GLDC: variants seen among roughly 807,000 people sequenced by gnomAD.
The protein encoded by GLDC is glycine decarboxylase.
GLDC carries 104 observed loss-of-function variants against 121.3 expected under a neutral mutation model. The observed-to-expected ratio is 0.86, with a 90% CI of 0.73 to 1.01. The LOEUF is 1.01. Ranked by LOEUF, GLDC falls within the 50% of genes least tolerant of loss-of-function variation. The probability of loss-of-function intolerance (pLI) is 0.00; values close to 1 mark genes in which losing one functional copy is unlikely to be tolerated. For missense variants in GLDC, 1,429 were observed against 1,306.6 expected, an observed-to-expected ratio of 1.09 and a Z score of -1.44; for synonymous variants, 546 against 480.6, an observed-to-expected ratio of 1.14 and a Z score of -1.78.
At chr9:6,564,782 A>G (rs1563839449) in intron 16 of GLDC, among the ~76,000 whole-genome samples, 1 of 152,248 alleles carries the variant, frequency 6.6e-6, no homozygotes, top group Non-Finnish European at 1.5e-5. Flanking sequence ...AGTGGTCCCC[A>G]AGAGGCGATT....
chr9:6,594,803 AAAAGAAAGAAAG>A (rs78626191), intron 9 of GLDC, among the ~76,000 whole-genome samples, 199 bp downstream of exon 9: 12 of 150,028 alleles, frequency 8.0e-5, no homozygotes, highest in East Asian at 5.8e-4. Flanking sequence ...AAAAGGAAAT[AAAAGAAAGAAAG>A]AAAGAAAGAA....
intron 3 of GLDC, among the ~76,000 whole-genome samples, chr9:6,617,690 T>G (rs1818992418): frequency 6.6e-6 from 1 of 152,224 alleles, no homozygotes; most frequent in African/African-American, 2.4e-5. Flanking sequence ...AATACTGGAA[T>G]GATTGTGCTG....
At chr9:6,550,935 G>T (rs374335665) in intron 20 of GLDC, 21 bp from the exon 21 acceptor site, 43 of 1,453,860 alleles carry the variant, frequency 3.0e-5, no homozygotes, top group Non-Finnish European at 3.9e-5. Context: ...GGGAAAAAGA[G>T]CCATTAGCCA....
chr9:6,567,688 T>G (rs1817879841), intron 15 of GLDC, among the ~76,000 whole-genome samples: 1 of 152,234 alleles, frequency 6.6e-6, no homozygotes, highest in Non-Finnish European at 1.5e-5. Context: ...ATTAAAGAAA[T>G]AATCCTCTAC....
chr9:6,625,797 C>T (rs570458583), intron 2 of GLDC, among the ~76,000 whole-genome samples: 9 of 149,194 alleles, frequency 6.0e-5, no homozygotes, highest in South Asian at 2.2e-4. Flanking sequence ...GTGGGGTTAA[C>T]GTTTTATGGG....
intron 20 of GLDC, among the ~76,000 whole-genome samples, chr9:6,552,838 A>G (rs928060749): frequency 6.6e-6 from 1 of 152,188 alleles, no homozygotes; most frequent in Non-Finnish European, 1.5e-5. Flanking sequence ...CTAATTACGC[A>G]GAGAGCACAG....
intron 9 of GLDC, among the ~76,000 whole-genome samples, chr9:6,593,411 G>A (rs923649425): frequency 6.6e-6 from 1 of 151,400 alleles, no homozygotes; most frequent in South Asian, 2.1e-4. Context: ...CAATCCCCTT[G>A]CCTCAGCCTC....
Position 6,580,323 on chromosome 9 carries a change from G to A in GLDC, c.1850+6818C>T, listed in dbSNP as rs569329893. On this transcript the variant is annotated intron_variant, in intron 15 of 24. Coordinates refer to ENST00000321612, the MANE Select transcript of GLDC (RefSeq NM_000170.3). The stretch of plus-strand genomic sequence containing the variant: ...GAGTTACCTTATAACAGAGTCCACA[G>A]TTGCAAGTCATGTAGTCTGGGAATG... 1.9e-4 allele frequency among the ~76,000 whole-genome samples: 29 copies of A among 152,260 alleles called. No individual in the cohort carries two copies. The South Asian group carries it at 6.0e-3, about 32-fold the overall frequency.
intron 15 of GLDC, among the ~76,000 whole-genome samples, chr9:6,569,921 A>AGC (rs1817923598): frequency 2.0e-5 from 3 of 152,126 alleles, no homozygotes; most frequent in Non-Finnish European, 4.4e-5. Flanking sequence ...GGCTGCAGTG[A>AGC]TGTAAGATCG....
intron 15 of GLDC, among the ~76,000 whole-genome samples, chr9:6,570,720 G>C (rs1033947424): frequency 2.0e-5 from 3 of 151,988 alleles, no homozygotes; most frequent in African/African-American, 4.8e-5. Context: ...TGGGCGTTGT[G>C]GCAGGTGCCT....
intron 2 of GLDC, among the ~76,000 whole-genome samples, chr9:6,638,180 G>A (rs924805584): frequency 5.9e-5 from 9 of 151,270 alleles, no homozygotes; most frequent in Non-Finnish European, 8.8e-5. Context: ...CTCAGTGAAG[G>A]TACTGCCTTT....
intron 20 of GLDC, 61 bp downstream of exon 20, chr9:6,553,307 T>C (rs1189501930): frequency 1.5e-5 from 22 of 1,452,456 alleles, no homozygotes; most frequent in Non-Finnish European, 2.0e-5. Flanking sequence ...CAGTATCCGG[T>C]CCCCATGCAT....
intron 2 of GLDC, among the ~76,000 whole-genome samples, chr9:6,626,839 C>T (rs1471685055): frequency 1.3e-5 from 2 of 152,188 alleles, no homozygotes; most frequent in East Asian, 1.9e-4. Context: ...TCATGCCCTG[C>T]CCCATGTCCT....
chr9:6,607,576 T>C (rs1818761330), intron 4 of GLDC, among the ~76,000 whole-genome samples: 1 of 152,156 alleles, frequency 6.6e-6, no homozygotes, highest in South Asian at 2.1e-4. Context: ...AGCGAGACTC[T>C]GTCTTAAATA....
At chr9:6,636,742 T>C (rs1819509826) in intron 2 of GLDC, among the ~76,000 whole-genome samples, 1 of 151,962 alleles carries the variant, frequency 6.6e-6, no homozygotes, top group Non-Finnish European at 1.5e-5. Context: ...ACCACTGCAC[T>C]CCAGCCTGGG....
chr9:6,619,146 CAAAAAAAAAAAAAAAAA>C (rs1162280442), intron 3 of GLDC, among the ~76,000 whole-genome samples: 13 of 60,678 alleles, frequency 2.1e-4, no homozygotes, highest in Non-Finnish European at 3.4e-4. Flanking sequence ...CTGTCTCAGG[CAAAAAAAAAAAAAAAAA>C]AAAAAAAAAA....
chr9:6,534,611 A>G, intron 24 of GLDC, 97 bp downstream of exon 24: 1 of 729,414 alleles, frequency 1.4e-6, no homozygotes, highest in Non-Finnish European at 2.5e-6. Flanking sequence ...TGCCCCACAT[A>G]TGGTTTCTGT....
intron 15 of GLDC, among the ~76,000 whole-genome samples, chr9:6,585,278 A>T (rs529096966): frequency 2.6e-5 from 4 of 152,310 alleles, no homozygotes; most frequent in South Asian, 4.1e-4. Flanking sequence ...GTCTTGAAAA[A>T]TCACTCTCCA....
At chr9:6,553,942 C>G (rs1172830023) in intron 19 of GLDC, among the ~76,000 whole-genome samples, 1 of 151,882 alleles carries the variant, frequency 6.6e-6, no homozygotes, top group Non-Finnish European at 1.5e-5. Context: ...CACACATTTA[C>G]TAGAAATAAT....
Sources: gnomAD v4.1 joint callset for allele counts (sites outside exome capture counted in the v4.1 genomes callset) on GRCh38, gnomAD v4.1.1 for gene constraint, MANE v1.5 for transcripts, NCBI Gene and HGNC (gene_info 2026-07-23, HGNC 2026-07-21) for gene names.